FBN2: variants seen among roughly 807,000 people sequenced by gnomAD.
The protein encoded by FBN2 is fibrillin 2.
FBN2 carries 105 observed loss-of-function variants against 355.6 expected under a neutral mutation model. That is an observed-to-expected ratio of 0.30 (90% CI 0.25 to 0.35). The LOEUF (loss-of-function observed/expected upper bound fraction) is 0.35. FBN2 is among the 10% of genes least tolerant of loss of function. The pLI, the probability that FBN2 is intolerant of heterozygous loss-of-function variation, is 1.00. For synonymous variants in FBN2, 1,350 were observed against 1,301.2 expected, an observed-to-expected ratio of 1.04 and a Z score of -0.81; for missense variants, 3,280 against 3,758.7, an observed-to-expected ratio of 0.87 and a Z score of 3.33.
chr5:128,388,043 A>G (rs187613644), intron 11 of FBN2, among the ~76,000 whole-genome samples: 1 of 152,300 alleles, frequency 6.6e-6, no homozygotes, highest in African/African-American at 2.4e-5. Flanking sequence ...GGGTGCATGT[A>G]TGTTTAGGAT....
Position 128,476,338 on chromosome 5 carries a change from T to A in FBN2, c.629-11417A>T, listed in dbSNP as rs1031003233. On this transcript the variant is annotated intron_variant, in intron 5 of 64. Coordinates refer to ENST00000262464, the MANE Select transcript of FBN2 (RefSeq NM_001999.4). ...CTTAGATTTTAATCAAACAATGAAG[T>A]CATCAATAGATCTGACTAAAATAAC... 2.0e-5 allele frequency among the ~76,000 whole-genome samples: 3 copies of A among 152,052 alleles called. No individual in the cohort carries two copies. In the East Asian group the frequency reaches 5.8e-4, roughly 29 times the overall value.
chr5:128,315,038 C>G (rs1403089354), intron 36 of FBN2, among the ~76,000 whole-genome samples: 1 of 152,154 alleles, frequency 6.6e-6, no homozygotes, highest in Admixed American at 6.5e-5. Flanking sequence ...GCATATACAG[C>G]CACAAAAGGA....
At chr5:128,317,689 C>G (rs1750245281) in intron 36 of FBN2, among the ~76,000 whole-genome samples, 1 of 152,182 alleles carries the variant, frequency 6.6e-6, no homozygotes. Flanking sequence ...ACGGCCTCCT[C>G]CTCCTCCCTG....
At chr5:128,537,255 G>A in intron 1 of FBN2, 95 bp downstream of exon 1, 3 of 1,551,466 alleles carry the variant, frequency 1.9e-6, no homozygotes, top group Non-Finnish European at 2.6e-6. Context: ...TCCAGCTAAA[G>A]GGTCTGGGAC....
intron 61 of FBN2, 122 bp downstream of exon 61, chr5:128,273,718 G>C: frequency 1.0e-6 from 1 of 952,540 alleles, no homozygotes; most frequent in South Asian, 1.4e-5. Flanking sequence ...ATAAGTTGCT[G>C]GGTCCTATTT....
At chr5:128,351,448 G>T (rs565919130) in intron 20 of FBN2, among the ~76,000 whole-genome samples, 68 of 152,126 alleles carry the variant, frequency 4.5e-4, no homozygotes, top group African/African-American at 1.6e-3. Context: ...TCGGGAGGCT[G>T]AGGCAGGAGA....
intron 7 of FBN2, among the ~76,000 whole-genome samples, chr5:128,441,163 C>T (rs1413683437): frequency 2.0e-5 from 3 of 152,176 alleles, no homozygotes; most frequent in Non-Finnish European, 4.4e-5. Flanking sequence ...TTTCCAATCA[C>T]GCAGCTTATA....
At chr5:128,513,663 C>T (rs1299140348) in intron 5 of FBN2, among the ~76,000 whole-genome samples, 1 of 152,236 alleles carries the variant, frequency 6.6e-6, no homozygotes, top group Non-Finnish European at 1.5e-5. Flanking sequence ...AAGTGAAAGC[C>T]TGGCCTCTCC....
chr5:128,480,133 A>G (rs1379130404), intron 5 of FBN2, among the ~76,000 whole-genome samples: 2 of 140,566 alleles, frequency 1.4e-5, no homozygotes, highest in African/African-American at 5.2e-5. Flanking sequence ...CTCTCTATAT[A>G]CATATATATT....
At chr5:128,536,109 T>C (rs1756839374) in intron 2 of FBN2, among the ~76,000 whole-genome samples, 1 of 152,208 alleles carries the variant, frequency 6.6e-6, no homozygotes, top group African/African-American at 2.4e-5. Context: ...ATAATTGCTC[T>C]ACTCCTCCCC....
chr5:128,391,577 T>C (rs1435439345), intron 11 of FBN2, among the ~76,000 whole-genome samples: 1 of 152,174 alleles, frequency 6.6e-6, no homozygotes, highest in Non-Finnish European at 1.5e-5. Context: ...ACCAATGATT[T>C]TAAGAGTTGA....
chr5:128,474,285 A>T (rs72785146), intron 5 of FBN2, among the ~76,000 whole-genome samples: 2,304 of 152,336 alleles, frequency 0.015, 29 homozygotes, highest in Non-Finnish European at 0.027. Context: ...AGAGATGAAA[A>T]TATTTTGACA....
At position 128,330,710 on chromosome 5, in the gene FBN2, AAT is replaced by A; in HGVS notation, c.4223-17_4223-16del. 1.2e-6 allele frequency: 2 copies of A among 1,613,794 alleles called. No homozygotes were observed. Among genetic ancestry groups the A allele is most frequent in the Non-Finnish European group, 1.7e-6 (2 of 1,179,692 alleles). ...TTCGTCCAGATCTGCAGAACACAGC[AAT>A]AAAGTTCAGAAATGAAAATGGAACA... On this transcript the variant is annotated splice_polypyrimidine_tract_variant and intron_variant, in intron 32 of 64. Coordinates refer to ENST00000262464, the MANE Select transcript of FBN2 (RefSeq NM_001999.4).
At chr5:128,421,920 G>T (rs2127017373) in intron 7 of FBN2, among the ~76,000 whole-genome samples, 1 of 152,286 alleles carries the variant, frequency 6.6e-6, no homozygotes, top group South Asian at 2.1e-4. Flanking sequence ...GATAATCCTA[G>T]ATTATCTGGT....
At chr5:128,433,819 T>C (rs1032588601) in intron 7 of FBN2, among the ~76,000 whole-genome samples, 2 of 152,160 alleles carry the variant, frequency 1.3e-5, no homozygotes, top group Admixed American at 6.5e-5. Context: ...GATAGTTTTA[T>C]AATTAAACTA....
Position 128,312,799 on chromosome 5 carries a change from C to A in FBN2, c.4718-4G>T. ...TAGCAGTTGCCCACACGGTTGTCTG[C>A]AGAGCAACAAAGGAGCTTACAGTTG... On this transcript the variant is annotated splice_polypyrimidine_tract_variant and splice_region_variant and intron_variant, in intron 36 of 64. Transcript: ENST00000262464. 6.2e-7 allele frequency: 1 copy of A among 1,613,472 alleles called. No homozygotes were observed. Among genetic ancestry groups the A allele is most frequent in the Non-Finnish European group, 8.5e-7 (1 of 1,179,958 alleles).
At chr5:128,407,724 T>C (rs567462812) in intron 8 of FBN2, among the ~76,000 whole-genome samples, 2 of 152,308 alleles carry the variant, frequency 1.3e-5, no homozygotes, top group East Asian at 1.9e-4. Context: ...GTCCTTTTAT[T>C]GGTGGCCTAC....
intron 6 of FBN2, among the ~76,000 whole-genome samples, chr5:128,463,115 G>A (rs1386280270): frequency 2.0e-5 from 3 of 151,964 alleles, no homozygotes; most frequent in Non-Finnish European, 4.4e-5. Context: ...AATCAATATA[G>A]TAGAGTATTT....
chr5:128,279,972 T>C (rs990409447), intron 56 of FBN2, among the ~76,000 whole-genome samples: 25 of 152,322 alleles, frequency 1.6e-4, no homozygotes, highest in African/African-American at 6.0e-4. Flanking sequence ...GGAAAGACTA[T>C]TTAAGATTGT....
Sources: allele counts gnomAD v4.1 joint callset (sites outside exome capture counted in the v4.1 genomes callset), GRCh38; gene constraint gnomAD v4.1.1; transcripts MANE v1.5; gene names NCBI Gene and HGNC (gene_info 2026-07-23, HGNC 2026-07-21).